Variants in RABGAP1L observed in about 807,000 individuals in gnomAD.
RABGAP1L encodes the protein RAB GTPase activating protein 1 like.
RABGAP1L carries 63 observed loss-of-function variants against 137.7 expected under a neutral mutation model. The observed-to-expected ratio is 0.46, with a 90% confidence interval of 0.37 to 0.56. The LOEUF is 0.56. RABGAP1L is among the 20% of genes least tolerant of loss of function. RABGAP1L has a pLI of 0.00. For missense variants in RABGAP1L, 1,095 were observed against 1,244.0 expected (o/e 0.88, Z 1.80); for synonymous variants, 431 against 433.7 (o/e 0.99, Z 0.08).
At chr1:174,756,505 A>G (rs1684777839) in intron 18 of RABGAP1L, among the ~76,000 whole-genome samples, 1 of 152,040 alleles carries the variant, frequency 6.6e-6, no homozygotes, top group Admixed American at 6.6e-5. Flanking sequence ...ATTGATCTAA[A>G]AAACTTTACA....
chr1:174,218,981 G>A (rs945490367), intron 1 of RABGAP1L, 144 bp from the exon 2 acceptor site: 1 of 617,682 alleles, frequency 1.6e-6, no homozygotes. Flanking sequence ...CAAGAAGGTA[G>A]CCTCCCTAAC....
At chr1:174,217,090 C>G (rs1173503315) in intron 1 of RABGAP1L, among the ~76,000 whole-genome samples, 1 of 151,980 alleles carries the variant, frequency 6.6e-6, no homozygotes, top group East Asian at 1.9e-4. Flanking sequence ...GGAAGTGGGT[C>G]TGACATGACT....
At chr1:174,331,757 A>C (rs1681051908) in intron 11 of RABGAP1L, among the ~76,000 whole-genome samples, 1 of 152,028 alleles carries the variant, frequency 6.6e-6, no homozygotes, top group Non-Finnish European at 1.5e-5. Context: ...TACATGTGCC[A>C]TGTTGGTGTG....
At chr1:174,181,589 G>A (rs976566967) in intron 1 of RABGAP1L, among the ~76,000 whole-genome samples, 3 of 151,956 alleles carry the variant, frequency 2.0e-5, no homozygotes, top group African/African-American at 2.4e-5. Flanking sequence ...TGCCCACCTC[G>A]GCCTCCCAAA....
At chr1:174,914,216 G>A (rs1353144593) in intron 19 of RABGAP1L, among the ~76,000 whole-genome samples, 1 of 152,176 alleles carries the variant, frequency 6.6e-6, no homozygotes, top group Non-Finnish European at 1.5e-5. Context: ...CCAGTAGGGT[G>A]CCTCTGCCTC....
intron 1 of RABGAP1L, among the ~76,000 whole-genome samples, chr1:174,198,091 T>G (rs1269135916): frequency 6.6e-6 from 1 of 152,220 alleles, no homozygotes; most frequent in Non-Finnish European, 1.5e-5. Flanking sequence ...GAAATACAGA[T>G]GCTTATTATG....
chr1:174,308,247 G>GTA (rs1354621385), intron 11 of RABGAP1L, among the ~76,000 whole-genome samples: 2 of 151,708 alleles, frequency 1.3e-5, no homozygotes. Flanking sequence ...ATACATATCT[G>GTA]TATATATACA....
chr1:174,465,659 T>G (rs1349669571), intron 13 of RABGAP1L, among the ~76,000 whole-genome samples: 1 of 152,122 alleles, frequency 6.6e-6, no homozygotes, highest in African/African-American at 2.4e-5. Flanking sequence ...AATTTCAGAT[T>G]ATGATTAATG....
intron 12 of RABGAP1L, among the ~76,000 whole-genome samples, chr1:174,392,148 G>A (rs1209509598): frequency 6.6e-6 from 1 of 152,130 alleles, no homozygotes; most frequent in Non-Finnish European, 1.5e-5. Flanking sequence ...AAAGCCACGA[G>A]AGAAGTTTAA....
At chr1:174,933,745 CA>C (rs1362062933) in intron 19 of RABGAP1L, among the ~76,000 whole-genome samples, 1 of 152,142 alleles carries the variant, frequency 6.6e-6, no homozygotes, top group Non-Finnish European at 1.5e-5. Context: ...GATAGAGTCT[CA>C]ACTTAGTATT....
intron 14 of RABGAP1L, among the ~76,000 whole-genome samples, chr1:174,657,698 A>G (rs1469996339): frequency 1.3e-5 from 2 of 152,172 alleles, no homozygotes; most frequent in African/African-American, 4.8e-5. Context: ...TGCAGTGAAT[A>G]AAGGAGTGCA....
intron 1 of RABGAP1L, among the ~76,000 whole-genome samples, chr1:174,178,800 G>C (rs931471231): frequency 6.6e-6 from 1 of 152,288 alleles, no homozygotes; most frequent in African/African-American, 2.4e-5. Flanking sequence ...CATGGACCCA[G>C]GCAGGGGAAC....
chr1:174,666,632 C>G (rs1676805200), intron 14 of RABGAP1L, among the ~76,000 whole-genome samples: 1 of 152,140 alleles, frequency 6.6e-6, no homozygotes, highest in African/African-American at 2.4e-5. Context: ...CCTTTGATTT[C>G]CCTTTTCATT....
At chr1:174,746,667 T>C (rs1683891674) in intron 17 of RABGAP1L, among the ~76,000 whole-genome samples, 3 of 152,232 alleles carry the variant, frequency 2.0e-5, no homozygotes, top group Admixed American at 2.0e-4. Context: ...CACATATTCA[T>C]TGAATCATCT....
At chr1:174,172,218 A>G (rs56889120) in intron 1 of RABGAP1L, among the ~76,000 whole-genome samples, 12,101 of 121,016 alleles carry the variant, frequency 0.1, 592 homozygotes, top group Middle Eastern at 0.2. Flanking sequence ...GTGTGTGTGT[A>G]TATATGCCAC....
chr1:174,443,592 C>T (rs1411677813), intron 13 of RABGAP1L, among the ~76,000 whole-genome samples: 2 of 151,986 alleles, frequency 1.3e-5, no homozygotes, highest in Admixed American at 1.3e-4. Context: ...AATCACTTGT[C>T]AGATGGATAG....
chr1:174,390,155 AT>A (rs932384974), intron 12 of RABGAP1L, among the ~76,000 whole-genome samples: 1 of 152,198 alleles, frequency 6.6e-6, no homozygotes, highest in African/African-American at 2.4e-5. Context: ...ATGCAGTATA[AT>A]TGCTGTACTG....
At chr1:174,207,517 A>G (rs980676406) in intron 1 of RABGAP1L, among the ~76,000 whole-genome samples, 1 of 152,202 alleles carries the variant, frequency 6.6e-6, no homozygotes, top group Non-Finnish European at 1.5e-5. Flanking sequence ...TTCTTCTGGA[A>G]ATCACATAGC....
At chr1:174,975,742 G>A (rs1173226522) in intron 21 of RABGAP1L, among the ~76,000 whole-genome samples, 1 of 152,200 alleles carries the variant, frequency 6.6e-6, no homozygotes, top group Non-Finnish European at 1.5e-5. Context: ...GCATTTAGAA[G>A]GAGGATGGAC....
Sources: gnomAD v4.1 joint callset for allele counts (sites outside exome capture counted in the v4.1 genomes callset) on GRCh38, gnomAD v4.1.1 for gene constraint, MANE v1.5 for transcripts, NCBI Gene and HGNC (gene_info 2026-07-23, HGNC 2026-07-21) for gene names.